SIPA1L2: variants seen among roughly 807,000 people sequenced by gnomAD.
The protein encoded by SIPA1L2 is signal induced proliferation associated 1 like 2, also known as signal-induced proliferation-associated 1-like protein 2.
A neutral mutation model predicts 163.9 loss-of-function variants in SIPA1L2; 56 were observed. The ratio of observed to expected loss-of-function variants is 0.34; its 90% CI spans 0.28 to 0.43. The LOEUF (loss-of-function observed/expected upper bound fraction) is 0.43. SIPA1L2 is among the 20% of genes least tolerant of loss of function. SIPA1L2 has a pLI of 1.00. For synonymous variants in SIPA1L2, 877 were observed against 865.7 expected, an observed-to-expected ratio of 1.01 and a Z score of -0.23; for missense variants, 1,974 against 2,193.5, an observed-to-expected ratio of 0.90 and a Z score of 2.00.
intron 15 of SIPA1L2, among the ~76,000 whole-genome samples, chr1:232,436,059 T>C (rs546898938): frequency 5.9e-5 from 9 of 152,280 alleles, no homozygotes; most frequent in African/African-American, 1.7e-4. Context: ...CATATACTGA[T>C]TGGGGCTCCT....
chr1:232,490,867 T>C lies in SIPA1L2; in HGVS notation c.1806+7A>G, dbSNP rs1369626338. On this transcript the variant is annotated splice_region_variant and intron_variant, in intron 5 of 22. Transcript: ENST00000674635. ...CACACAAACATACAATCTCACATTA[T>C]ACACACCCCTTGTTCATCAAGCTTG... The C allele has an allele frequency of 1.2e-6, 2 of 1,611,646 alleles. No individual in the cohort carries two copies. Among genetic ancestry groups the C allele is most frequent in the South Asian group, 1.1e-5 (1 of 90,698 alleles).
intron 18 of SIPA1L2, among the ~76,000 whole-genome samples, chr1:232,422,966 A>C (rs1412260290): frequency 6.6e-6 from 1 of 152,222 alleles, no homozygotes; most frequent in Non-Finnish European, 1.5e-5. Context: ...TTAATGGTGC[A>C]AAAGTGATAC....
intron 3 of SIPA1L2, among the ~76,000 whole-genome samples, chr1:232,499,649 G>A (rs1255403374): frequency 6.6e-6 from 1 of 152,230 alleles, no homozygotes; most frequent in Non-Finnish European, 1.5e-5. Context: ...AAGTTAGCCA[G>A]CAAGTTATTT....
chr1:232,476,147 A>G (rs916323995), intron 7 of SIPA1L2, among the ~76,000 whole-genome samples: 1 of 152,208 alleles, frequency 6.6e-6, no homozygotes, highest in Non-Finnish European at 1.5e-5. Context: ...AAGGAAGTAC[A>G]CAAACTCTTT....
chr1:232,477,467 C>T (rs1029141057), intron 7 of SIPA1L2, among the ~76,000 whole-genome samples: 1 of 152,160 alleles, frequency 6.6e-6, no homozygotes, highest in Non-Finnish European at 1.5e-5. Context: ...TGACTTCTTA[C>T]CATGTTCTGG....
chr1:232,525,910 G>A (rs1012032881), intron 2 of SIPA1L2, among the ~76,000 whole-genome samples: 9 of 152,272 alleles, frequency 5.9e-5, no homozygotes, highest in East Asian at 5.8e-4. Context: ...ATTTACTCCC[G>A]TGCATATGTC....
At chr1:232,607,862 C>A (rs965317673) in intron 1 of SIPA1L2, among the ~76,000 whole-genome samples, 1 of 151,500 alleles carries the variant, frequency 6.6e-6, no homozygotes, top group African/African-American at 2.4e-5. Flanking sequence ...TTGAAACCAG[C>A]CTGACCAACA....
intron 2 of SIPA1L2, among the ~76,000 whole-genome samples, chr1:232,532,659 T>C (rs1008957100): frequency 1.3e-5 from 2 of 152,202 alleles, no homozygotes; most frequent in African/African-American, 2.4e-5. Context: ...GTAAAGCACA[T>C]CCCATAACAC....
chr1:232,543,912 T>C (rs1409464902), intron 2 of SIPA1L2, among the ~76,000 whole-genome samples: 1 of 152,150 alleles, frequency 6.6e-6, no homozygotes, highest in African/African-American at 2.4e-5. Context: ...GTTTATATTA[T>C]TAAGGATGCT....
intron 17 of SIPA1L2, 148 bp from the exon 18 acceptor site, chr1:232,425,956 G>A (rs1661875244): frequency 2.9e-6 from 2 of 691,120 alleles, no homozygotes; most frequent in African/African-American, 1.8e-5. Context: ...AACGCAGCAT[G>A]CAGGGGATCA....
chr1:232,541,742 G>A (rs948404302), intron 2 of SIPA1L2, among the ~76,000 whole-genome samples: 2 of 151,674 alleles, frequency 1.3e-5, no homozygotes, highest in African/African-American at 4.8e-5. Context: ...ACCTTCAGAA[G>A]CCCAGTTTTC....
chr1:232,619,101 T>C (rs577086473), intron 1 of SIPA1L2, among the ~76,000 whole-genome samples: 7 of 152,362 alleles, frequency 4.6e-5, no homozygotes, highest in Admixed American at 3.9e-4. Context: ...ATCATTTTAA[T>C]AGAGATAGTA....
At chr1:232,402,853 G>A (rs1226368766) in intron 21 of SIPA1L2, 1 of 174,864 alleles carries the variant, frequency 5.7e-6, no homozygotes, top group Non-Finnish European at 1.2e-5. Flanking sequence ...GAACATGCAA[G>A]TTAATGAAGT....
intron 18 of SIPA1L2, among the ~76,000 whole-genome samples, chr1:232,419,761 C>G (rs966962094): frequency 1.3e-5 from 2 of 152,174 alleles, no homozygotes; most frequent in African/African-American, 4.8e-5. Flanking sequence ...ATAAATTACC[C>G]AGCCCCAGAT....
At chr1:232,458,268 G>C (rs1397800560) in intron 10 of SIPA1L2, among the ~76,000 whole-genome samples, 1 of 152,184 alleles carries the variant, frequency 6.6e-6, no homozygotes, top group African/African-American at 2.4e-5. Context: ...AAGAGAATTT[G>C]CATTTAAAAC....
intron 1 of SIPA1L2, among the ~76,000 whole-genome samples, chr1:232,585,946 T>A (rs1334169268): frequency 6.6e-6 from 1 of 152,194 alleles, no homozygotes; most frequent in South Asian, 2.1e-4. Flanking sequence ...GAAAAGGTGG[T>A]ACCTCTAATC....
intron 1 of SIPA1L2, among the ~76,000 whole-genome samples, chr1:232,624,592 T>C (rs1479366658): frequency 6.6e-6 from 1 of 152,230 alleles, no homozygotes; most frequent in Non-Finnish European, 1.5e-5. Context: ...ACTGGCTCTT[T>C]ACCTAGATAT....
At chr1:232,472,995 A>C (rs1664874076) in intron 7 of SIPA1L2, among the ~76,000 whole-genome samples, 1 of 152,180 alleles carries the variant, frequency 6.6e-6, no homozygotes, top group Non-Finnish European at 1.5e-5. Context: ...AAACACACAA[A>C]AATCATCTTA....
chr1:232,612,482 T>C lies in SIPA1L2; in HGVS notation c.-319+17387A>G, dbSNP rs143567703. 3.9e-3 allele frequency among the ~76,000 whole-genome samples: 592 copies of C among 152,282 alleles called. 5 individuals carry two copies. Among genetic ancestry groups the C allele is most frequent in the African/African-American group, 0.013 (520 of 41,548 alleles). ...ACAGAGGTGGAGCTGCCCAAGACCA[T>C]GGGAACCCACCTCTTGCATCAGCAT... On this transcript the variant is annotated intron_variant, in intron 1 of 22. Coordinates refer to ENST00000674635, the MANE Select transcript of SIPA1L2 (RefSeq NM_020808.5).
Sources: allele counts gnomAD v4.1 joint callset (sites outside exome capture counted in the v4.1 genomes callset), GRCh38; gene constraint gnomAD v4.1.1; transcripts MANE v1.5; gene names NCBI Gene and HGNC (gene_info 2026-07-23, HGNC 2026-07-21).